Variants in NCKAP5 observed in about 807,000 individuals in gnomAD.
NCKAP5 encodes nck-associated protein 5.
Under a neutral mutation model 167.0 loss-of-function variants are expected in NCKAP5, and 92 were observed. That is an observed-to-expected ratio of 0.55 (90% CI 0.47 to 0.66). The LOEUF is 0.66. Among genes scored for constraint, NCKAP5 ranks in the 30% least tolerant of loss-of-function variants. The probability of loss-of-function intolerance (pLI) is 0.00; values close to 1 mark genes in which losing one functional copy is unlikely to be tolerated. For missense variants in NCKAP5, 2,378 were observed against 2,315.0 expected (o/e 1.03, Z -0.56); for synonymous variants, 891 against 877.4 (o/e 1.02, Z -0.27).
At position 132,782,151 on chromosome 2, in the gene NCKAP5, C is replaced by T; in HGVS notation, c.4660G>A (p.Glu1554Lys). The T allele has an allele frequency of 6.2e-7, 1 of 1,609,246 alleles. No homozygotes were observed. Among genetic ancestry groups the T allele is most frequent in the South Asian group, 1.1e-5 (1 of 89,534 alleles). The change falls in exon 14 of 20, where the codon GAG (glutamate) becomes AAG (lysine). Residue 1554 changes from glutamate to lysine, a missense_variant. Transcript: ENST00000409261. The stretch of plus-strand genomic sequence containing the variant: ...CACTGTAGTTCAGGCTTCTTTTTCT[C>T]TTTTTTTCTTTCTGATTTTAGTTGT... ...NRQLKSERKK[E>K]KKKPELQCET... is the part of the protein sequence containing the mutation.
intron 6 of NCKAP5, among the ~76,000 whole-genome samples, chr2:133,096,191 T>A (rs1182213673): frequency 6.6e-6 from 1 of 152,114 alleles, no homozygotes; most frequent in Non-Finnish European, 1.5e-5. Context: ...AAACCTGATA[T>A]AAAATTTCTG....
rs558835639 is a variant in NCKAP5 at position 132,802,332 on chromosome 2, A to G, written c.808-5603T>C. 6.1e-4 allele frequency among the ~76,000 whole-genome samples: 93 copies of G among 152,340 alleles called. 1 individual carries two copies. The highest frequency in any genetic ancestry group is 1.5e-5 in the Non-Finnish European group (1 of 68,032). On this transcript the variant is annotated intron_variant, in intron 11 of 19. Coordinates refer to ENST00000409261, the MANE Select transcript of NCKAP5 (RefSeq NM_207363.3). ...ACTGGATGTTGGGCTGATTTCTCAG[A>G]AAAAGAACTTACTGCTTTTTCAGCT...
intron 2 of NCKAP5, among the ~76,000 whole-genome samples, chr2:133,535,710 C>A (rs1055655810): frequency 2.0e-5 from 3 of 152,152 alleles, no homozygotes; most frequent in African/African-American, 7.2e-5. Context: ...TTTGACAAAT[C>A]TCCATACTGT....
intron 3 of NCKAP5, among the ~76,000 whole-genome samples, chr2:133,357,298 C>CAG (rs57095904): frequency 6.7e-6 from 1 of 150,228 alleles, no homozygotes; most frequent in Admixed American, 6.8e-5. Flanking sequence ...GACACACACA[C>CAG]ACACACACAC....
the NCKAP5 span, among the ~76,000 whole-genome samples, chr2:133,614,692 C>T: frequency 0.094 from 14,351 of 152,142 alleles, 787 homozygotes; most frequent in African/African-American, 0.12. Context: ...CTGAAAGTGA[C>T]GGGGAGAACG....
chr2:132,823,571 A>T (rs1574335975), intron 11 of NCKAP5, among the ~76,000 whole-genome samples: 1 of 152,134 alleles, frequency 6.6e-6, no homozygotes, highest in Admixed American at 6.6e-5. Flanking sequence ...TTCAAAGAAA[A>T]CCTCAGAATA....
Position 133,060,106 on chromosome 2 carries a change from A to G in NCKAP5, c.342-65867T>C, listed in dbSNP as rs1316610483. ...CCCAAGTAAATGCATAAGAATATAC[A>G]TTCATTCTTTCTAAGACATCAGTGG... On this transcript the variant is annotated intron_variant, in intron 6 of 19. Coordinates refer to ENST00000409261, the MANE Select transcript of NCKAP5 (RefSeq NM_207363.3). Among the ~76,000 whole-genome samples the G allele has an allele frequency of 4.6e-5, 7 of 152,242 alleles. No homozygotes were observed. In the East Asian group the frequency reaches 1.3e-3, roughly 29 times the overall value.
intron 4 of NCKAP5, among the ~76,000 whole-genome samples, chr2:133,245,247 C>T (rs1206534456): frequency 6.6e-6 from 1 of 152,220 alleles, no homozygotes; most frequent in East Asian, 1.9e-4. Context: ...TCAACTACAT[C>T]AATAAATCAT....
At chr2:133,496,150 C>T (rs775522568) in intron 3 of NCKAP5, among the ~76,000 whole-genome samples, 12 of 152,136 alleles carry the variant, frequency 7.9e-5, no homozygotes, top group South Asian at 4.1e-4. Context: ...TCTTGAGTCC[C>T]TGATTGATTA....
chr2:133,614,857 C>G, the NCKAP5 span, among the ~76,000 whole-genome samples: 2 of 152,190 alleles, frequency 1.3e-5, no homozygotes, highest in Non-Finnish European at 1.5e-5. Context: ...TCAGATTCAC[C>G]AAAGTTGAAA....
intron 4 of NCKAP5, among the ~76,000 whole-genome samples, chr2:133,228,434 T>C (rs986862268): frequency 3.3e-5 from 5 of 152,238 alleles, no homozygotes; most frequent in African/African-American, 1.2e-4. Flanking sequence ...TGAGCCTACA[T>C]CTTGTTTTCT....
chr2:132,706,181 T>C (rs1330447247), intron 19 of NCKAP5, among the ~76,000 whole-genome samples: 1 of 152,190 alleles, frequency 6.6e-6, no homozygotes, highest in Non-Finnish European at 1.5e-5. Context: ...TCCCTCTCTG[T>C]CCTTTCCTCT....
intron 11 of NCKAP5, among the ~76,000 whole-genome samples, chr2:132,840,426 C>T (rs1465183862): frequency 6.6e-6 from 1 of 152,036 alleles, no homozygotes; most frequent in Non-Finnish European, 1.5e-5. Flanking sequence ...CAGTTGCCCA[C>T]CACCATGCCC....
chr2:133,267,346 TAAACA>T (rs1319857453), intron 4 of NCKAP5: 5 of 152,228 alleles, frequency 3.3e-5, no homozygotes, highest in Non-Finnish European at 7.3e-5. Context: ...GCTAATGAAC[TAAACA>T]AACAGGTCTC....
intron 6 of NCKAP5, among the ~76,000 whole-genome samples, chr2:133,000,646 A>C (rs2077746998): frequency 6.6e-6 from 1 of 152,208 alleles, no homozygotes; most frequent in Non-Finnish European, 1.5e-5. Flanking sequence ...GACTAGCATT[A>C]ATTACTGTCC....
At chr2:132,761,172 G>A (rs762557698) in intron 16 of NCKAP5, among the ~76,000 whole-genome samples, 1 of 152,170 alleles carries the variant, frequency 6.6e-6, no homozygotes, top group Non-Finnish European at 1.5e-5. Flanking sequence ...CTTTATGCCG[G>A]GGAGGGGCTT....
chr2:133,553,177 A>T (rs1270941627), intron 2 of NCKAP5, among the ~76,000 whole-genome samples: 1 of 152,260 alleles, frequency 6.6e-6, no homozygotes, highest in Non-Finnish European at 1.5e-5. Flanking sequence ...GGTCAAGATA[A>T]ATACAGGAAT....
At chr2:132,997,462 C>G (rs181485051) in intron 6 of NCKAP5, among the ~76,000 whole-genome samples, 12 of 152,200 alleles carry the variant, frequency 7.9e-5, no homozygotes, top group African/African-American at 2.2e-4. Context: ...TTTAACTTGA[C>G]AAAGAACTGT....
chr2:133,502,803 T>A (rs984389845), intron 3 of NCKAP5, among the ~76,000 whole-genome samples: 3 of 152,192 alleles, frequency 2.0e-5, no homozygotes, highest in African/African-American at 4.8e-5. Flanking sequence ...ACTTCGGAAA[T>A]GAGGCGTTCA....
Sources: allele counts gnomAD v4.1 joint callset (sites outside exome capture counted in the v4.1 genomes callset), GRCh38; gene constraint gnomAD v4.1.1; transcripts MANE v1.5; gene names NCBI Gene and HGNC (gene_info 2026-07-23, HGNC 2026-07-21).